DCT: variants seen among roughly 807,000 people sequenced by gnomAD.
The protein encoded by DCT is L-dopachrome tautomerase.
DCT carries 47 observed loss-of-function variants against 53.0 expected under a neutral mutation model. The observed-to-expected ratio is 0.89, with a 90% CI of 0.70 to 1.13. DCT has a LOEUF of 1.13. Among genes scored for constraint, DCT ranks in the 50% most tolerant of loss-of-function variants. The pLI, the probability that DCT is intolerant of heterozygous loss-of-function variation, is 0.00. For synonymous variants in DCT, 244 were observed against 237.0 expected, an observed-to-expected ratio of 1.03 and a Z score of -0.27; for missense variants, 669 against 637.4, an observed-to-expected ratio of 1.05 and a Z score of -0.53.
At chr13:94,489,761 T>TACACAC in the DCT span, among the ~76,000 whole-genome samples, 402 of 150,472 alleles carry the variant, frequency 2.7e-3, 1 homozygote, top group African/African-American at 9.3e-3. Flanking sequence ...GAATGATTAA[T>TACACAC]ACACACACAC....
chr13:94,519,902 G>A, the DCT span, among the ~76,000 whole-genome samples: 1 of 152,162 alleles, frequency 6.6e-6, no homozygotes, highest in Non-Finnish European at 1.5e-5. Context: ...GAGAACTGAG[G>A]AGAAGGTCTA....
At chr13:94,540,807 A>G in the DCT span, among the ~76,000 whole-genome samples, 1 of 152,238 alleles carries the variant, frequency 6.6e-6, no homozygotes, top group Non-Finnish European at 1.5e-5. Flanking sequence ...GTAAATATCC[A>G]AAAGAACGGA....
chr13:94,468,958 T>G lies in DCT; in HGVS notation c.383A>C (p.Gln128Pro), dbSNP rs1450007799. 3.1e-6 allele frequency: 5 copies of G among 1,614,176 alleles called. No individual in the cohort carries two copies. The highest frequency in any genetic ancestry group is 2.2e-5 in the East Asian group (1 of 44,884). The change falls in exon 2 of 8, where the codon CAG (glutamine) becomes CCG (proline). Residue 128 changes from glutamine to proline, a missense_variant. Transcript: ENST00000377028. ...CERKKPPVIR[Q>P]NIHSLSPQER... is the part of the protein sequence containing the mutation. Reference sequence around the variant, plus strand: ...CTGAGGACTCAAGGAATGGATGTTCTGCCGAATCACTGGTGGTTTCTTCCG... The same window carrying G: ...CTGAGGACTCAAGGAATGGATGTTCGGCCGAATCACTGGTGGTTTCTTCCG...
the DCT span, among the ~76,000 whole-genome samples, chr13:94,512,188 G>C: frequency 4.6e-5 from 7 of 152,138 alleles, no homozygotes; most frequent in Non-Finnish European, 1.5e-5. Context: ...AATAATAGCA[G>C]CAGGGATTGA....
At position 94,440,020 on chromosome 13, in the gene DCT, G is replaced by C; in HGVS notation, c.1438C>G (p.Leu480Val). 1 of 1,614,060 alleles carries C rather than the reference G, an allele frequency of 6.2e-7. No homozygotes were observed. The highest frequency in any genetic ancestry group is 1.3e-5 in the African/African-American group (1 of 75,052). ...ACAAAAAGACCAACCAAAGCCACCA[G>C]TGTTCCCATGACTACTAAGAGAGTT... ...PTTLLVVMGT[L>V]VALVGLFVLL... Residue 480 changes from leucine to valine, a missense_variant, in exon 8 of 8, where the codon CTG becomes GTG. Physicochemically the swap from Leu to Val is conservative, Grantham distance 32 (BLOSUM62 1). Coordinates refer to ENST00000377028, the MANE Select transcript of DCT (RefSeq NM_001922.5).
At chr13:94,462,702 G>A (rs917711087) in intron 4 of DCT, among the ~76,000 whole-genome samples, 1 of 152,102 alleles carries the variant, frequency 6.6e-6, no homozygotes, top group African/African-American at 2.4e-5. Flanking sequence ...AAATGTAGAT[G>A]CACAAAATAC....
At chr13:94,461,886 C>A in intron 5 of DCT, 124 bp downstream of exon 5, 2 of 735,194 alleles carry the variant, frequency 2.7e-6, no homozygotes, top group Non-Finnish European at 4.3e-6. Flanking sequence ...TCTCGTTAGG[C>A]CTCTCTCCAT....
In DCT at chr13:94,443,537, T is replaced by C. The variant is rs1347980362; in HGVS notation, c.1280A>G (p.Asn427Ser). Reference protein sequence around the residue: ...WPQELAPIGHNRMYNMVPFFP... With the variant: ...WPQELAPIGHSRMYNMVPFFP... Reference sequence around the variant, plus strand: ...GAAAGGAACCATGTTGTACATCCGATTGTGACCAATAGGGGCCAGCTCCTG... The same window carrying C: ...GAAAGGAACCATGTTGTACATCCGACTGTGACCAATAGGGGCCAGCTCCTG... The change falls in exon 7 of 8, where the codon AAT (asparagine) becomes AGT (serine). Residue 427 changes from asparagine to serine, a missense_variant. By Grantham distance (46) the Asn-to-Ser change is conservative. Transcript: ENST00000377028. 2.5e-6 allele frequency: 4 copies of C among 1,613,868 alleles called. No homozygotes were observed. Among genetic ancestry groups the C allele is most frequent in the Non-Finnish European group, 2.5e-6 (3 of 1,179,894 alleles).
intron 7 of DCT, 48 bp from the exon 8 acceptor site, chr13:94,440,124 T>C: frequency 2.0e-6 from 3 of 1,515,558 alleles, no homozygotes; most frequent in Non-Finnish European, 2.7e-6. Context: ...ATCAGCTGAA[T>C]ACTTTCAGAA....
chr13:94,464,267 G>A (rs1342726473), intron 4 of DCT, among the ~76,000 whole-genome samples: 1 of 152,242 alleles, frequency 6.6e-6, no homozygotes, highest in Non-Finnish European at 1.5e-5. Flanking sequence ...GAAGCCTGGG[G>A]GCCGGGGGAG....
chr13:94,478,872 A>G (rs543465906), intron 1 of DCT, 89 bp downstream of exon 1: 2 of 1,307,348 alleles, frequency 1.5e-6, no homozygotes, highest in South Asian at 2.9e-5. Context: ...CTAATCTAAG[A>G]GTCTCTGTCA....
intron 7 of DCT, among the ~76,000 whole-genome samples, chr13:94,441,710 G>C (rs535496773): frequency 1.8e-4 from 28 of 152,138 alleles, no homozygotes; most frequent in Non-Finnish European, 3.5e-4. Flanking sequence ...ATATTCCACT[G>C]TATGTATGTA....
the DCT span, among the ~76,000 whole-genome samples, chr13:94,485,432 T>C: frequency 6.6e-6 from 1 of 152,154 alleles, no homozygotes; most frequent in African/African-American, 2.4e-5. Flanking sequence ...TCTCCTAGAA[T>C]GGCAGAGCCC....
chr13:94,462,325 C>A (rs1883868646), intron 4 of DCT, 136 bp from the exon 5 acceptor site: 1 of 659,490 alleles, frequency 1.5e-6, no homozygotes, highest in Non-Finnish European at 2.6e-6. Flanking sequence ...TATGGCAAAG[C>A]CCCGGCTCTA....
chr13:94,518,188 C>T, the DCT span, among the ~76,000 whole-genome samples: 1 of 147,982 alleles, frequency 6.8e-6, no homozygotes, highest in Non-Finnish European at 1.5e-5. Context: ...AAAGAAAGTC[C>T]AACCATTGGC....
At chr13:94,491,673 T>C in the DCT span, among the ~76,000 whole-genome samples, 2 of 152,182 alleles carry the variant, frequency 1.3e-5, no homozygotes, top group Non-Finnish European at 2.9e-5. Context: ...GGTCATGCTG[T>C]ATGGAAGAGA....
At chr13:94,452,412 A>G (rs1466194721) in intron 6 of DCT, among the ~76,000 whole-genome samples, 1 of 152,242 alleles carries the variant, frequency 6.6e-6, no homozygotes, top group Non-Finnish European at 1.5e-5. Flanking sequence ...ACAAAGATGA[A>G]AAAGTGTGAT....
At chr13:94,530,633 T>C in the DCT span, among the ~76,000 whole-genome samples, 4 of 152,262 alleles carry the variant, frequency 2.6e-5, no homozygotes, top group South Asian at 8.3e-4. Context: ...ATTGATGGAA[T>C]GTATCTCAAA....
At chr13:94,516,614 T>C in the DCT span, among the ~76,000 whole-genome samples, 9 of 152,166 alleles carry the variant, frequency 5.9e-5, no homozygotes, top group African/African-American at 1.4e-4. Context: ...TCATAAGAGC[T>C]CTGCCTTCAT....
Sources: allele counts gnomAD v4.1 joint callset (sites outside exome capture counted in the v4.1 genomes callset), GRCh38; gene constraint gnomAD v4.1.1; transcripts MANE v1.5; gene names NCBI Gene and HGNC (gene_info 2026-07-23, HGNC 2026-07-21).